ZCCHC24: variants seen among roughly 807,000 people sequenced by gnomAD.
ZCCHC24 encodes zinc finger CCHC-type containing 24.
In ZCCHC24, 10 loss-of-function variants were observed where a neutral mutation model predicts 26.2. That is an observed-to-expected ratio of 0.38 (90% confidence interval 0.24 to 0.65). The LOEUF (loss-of-function observed/expected upper bound fraction) is 0.65. Ranked by LOEUF, ZCCHC24 falls within the 30% of genes least tolerant of loss-of-function variation. ZCCHC24 has a pLI of 0.54. For synonymous variants in ZCCHC24, 144 were observed against 147.1 expected (o/e 0.98, Z 0.15); for missense variants, 243 against 329.1 (o/e 0.74, Z 2.03).
chr10:79,427,638 G>C, intron 2 of ZCCHC24, among the ~76,000 whole-genome samples: 1 of 151,638 alleles, frequency 6.6e-6, no homozygotes, highest in South Asian at 2.1e-4. Flanking sequence ...AATGCCCTGT[G>C]ATAAATGAAA....
intron 3 of ZCCHC24, 38 bp from the exon 4 acceptor site, chr10:79,386,496 G>T: frequency 6.6e-7 from 1 of 1,507,566 alleles, no homozygotes. Flanking sequence ...GGGGAGTGAG[G>T]GGAGAGAAAG....
chr10:79,400,437 C>A (rs1228148403), intron 2 of ZCCHC24, among the ~76,000 whole-genome samples: 1 of 152,190 alleles, frequency 6.6e-6, no homozygotes, highest in Non-Finnish European at 1.5e-5. Context: ...TGGGAAAATA[C>A]TTATAAAGAG....
chr10:79,436,474 G>A (rs1338479527), intron 1 of ZCCHC24, among the ~76,000 whole-genome samples: 2 of 152,212 alleles, frequency 1.3e-5, no homozygotes, highest in Non-Finnish European at 2.9e-5. Flanking sequence ...CCACCCCAGC[G>A]TAGCCCAGTC....
chr10:79,420,396 C>T (rs1856920477), intron 2 of ZCCHC24, among the ~76,000 whole-genome samples: 1 of 152,188 alleles, frequency 6.6e-6, no homozygotes, highest in Admixed American at 6.5e-5. Flanking sequence ...GCTCCAGCCA[C>T]CTCTGTGGAT....
chr10:79,439,892 A>C (rs1480702091), intron 1 of ZCCHC24, among the ~76,000 whole-genome samples: 1 of 152,202 alleles, frequency 6.6e-6, no homozygotes, highest in Non-Finnish European at 1.5e-5. Flanking sequence ...GTGGCAGCCA[A>C]GTAAAACCCC....
intron 2 of ZCCHC24, among the ~76,000 whole-genome samples, chr10:79,398,119 C>T (rs932038117): frequency 1.3e-5 from 2 of 152,186 alleles, no homozygotes; most frequent in African/African-American, 4.8e-5. Context: ...CAGGACCAGA[C>T]GTCCTCAGCG....
At chr10:79,403,880 T>C (rs1196731829) in intron 2 of ZCCHC24, among the ~76,000 whole-genome samples, 3 of 149,920 alleles carry the variant, frequency 2.0e-5, no homozygotes, top group Non-Finnish European at 4.4e-5. Flanking sequence ...GAGGGGGGCA[T>C]GGAGTGGGGG....
At chr10:79,401,920 G>A (rs1856638460) in intron 2 of ZCCHC24, among the ~76,000 whole-genome samples, 1 of 152,262 alleles carries the variant, frequency 6.6e-6, no homozygotes, top group Admixed American at 6.5e-5. Context: ...CCCGGCCGCT[G>A]AGGTGGCCCT....
intron 2 of ZCCHC24, among the ~76,000 whole-genome samples, chr10:79,401,557 C>T (rs1194481461): frequency 6.6e-6 from 1 of 152,200 alleles, no homozygotes; most frequent in Non-Finnish European, 1.5e-5. Flanking sequence ...AAGAAGAGAC[C>T]CACCAAGCCG....
At chr10:79,442,589 A>T (rs902079513) in intron 1 of ZCCHC24, among the ~76,000 whole-genome samples, 1 of 152,158 alleles carries the variant, frequency 6.6e-6, no homozygotes, top group African/African-American at 2.4e-5. Context: ...AGTGGTCAGC[A>T]TGCAAGTCAC....
chr10:79,433,857 A>G (rs901794086), intron 1 of ZCCHC24, among the ~76,000 whole-genome samples: 4 of 152,226 alleles, frequency 2.6e-5, no homozygotes, highest in African/African-American at 9.6e-5. Flanking sequence ...GGTTGGGGAC[A>G]GTCCTTTCTG....
chr10:79,433,703 G>A (rs1029628095), intron 1 of ZCCHC24, among the ~76,000 whole-genome samples: 14 of 152,160 alleles, frequency 9.2e-5, no homozygotes, highest in East Asian at 3.9e-4. Context: ...AGAACTGCAG[G>A]AATAAGCTGC....
intron 3 of ZCCHC24, among the ~76,000 whole-genome samples, chr10:79,393,955 G>A (rs557571756): frequency 6.6e-6 from 1 of 152,340 alleles, no homozygotes; most frequent in East Asian, 1.9e-4. Flanking sequence ...CAGCCACCCT[G>A]TTGACACTGG....
chr10:79,426,261 G>A (rs1857026378), intron 2 of ZCCHC24, among the ~76,000 whole-genome samples: 1 of 152,216 alleles, frequency 6.6e-6, no homozygotes, highest in African/African-American at 2.4e-5. Context: ...GGCTCCATGG[G>A]CAGCTTCAGG....
intron 1 of ZCCHC24, among the ~76,000 whole-genome samples, chr10:79,433,426 A>G (rs1037815107): frequency 1.3e-5 from 2 of 152,208 alleles, no homozygotes; most frequent in African/African-American, 4.8e-5. Context: ...TCACCTCCAG[A>G]TGACAGGAAC....
At chr10:79,444,451 C>T (rs1379038543) in intron 1 of ZCCHC24, among the ~76,000 whole-genome samples, 5 of 152,004 alleles carry the variant, frequency 3.3e-5, no homozygotes, top group Non-Finnish European at 7.4e-5. Context: ...CTGCAGAAGG[C>T]GCTGGGCAGC....
At chr10:79,404,697 C>A (rs1238584133) in intron 2 of ZCCHC24, among the ~76,000 whole-genome samples, 3 of 152,204 alleles carry the variant, frequency 2.0e-5, no homozygotes, top group Non-Finnish European at 2.9e-5. Context: ...GCAGTCACCG[C>A]CTGAGTTGGG....
chr10:79,411,479 C>A (rs555487792), intron 2 of ZCCHC24, among the ~76,000 whole-genome samples: 1 of 152,154 alleles, frequency 6.6e-6, no homozygotes, highest in Non-Finnish European at 1.5e-5. Flanking sequence ...GAGGACTCAA[C>A]GGAAGGGGTG....
intron 2 of ZCCHC24, among the ~76,000 whole-genome samples, chr10:79,405,456 C>T (rs549078040): frequency 6.6e-6 from 1 of 152,128 alleles, no homozygotes; most frequent in African/African-American, 2.4e-5. Flanking sequence ...GGAGGTCGCA[C>T]AGGTAGGAGG....
Sources: allele counts gnomAD v4.1 joint callset (sites outside exome capture counted in the v4.1 genomes callset), GRCh38; gene constraint gnomAD v4.1.1; transcripts MANE v1.5; gene names NCBI Gene and HGNC (gene_info 2026-07-23, HGNC 2026-07-21).